The following ZFAT variants were observed in gnomAD, a reference collection of about 807,000 sequenced individuals.
ZFAT encodes zinc finger and AT-hook domain containing, also known as zinc finger protein ZFAT.
A neutral mutation model predicts 117.7 loss-of-function variants in ZFAT; 64 were observed. The ratio of observed to expected loss-of-function variants is 0.54; its 90% confidence interval spans 0.44 to 0.67. ZFAT has a LOEUF of 0.67. Ranked by LOEUF, ZFAT falls within the 30% of genes least tolerant of loss-of-function variation. The pLI, the probability that ZFAT is intolerant of heterozygous loss-of-function variation, is 0.00. For synonymous variants in ZFAT, 679 were observed against 615.0 expected (o/e 1.10, Z -1.54); for missense variants, 1,433 against 1,584.5 (o/e 0.90, Z 1.62).
chr8:134,690,058 T>C (rs1457678018), intron 1 of ZFAT, among the ~76,000 whole-genome samples: 1 of 152,256 alleles, frequency 6.6e-6, no homozygotes, highest in Non-Finnish European at 1.5e-5. Flanking sequence ...GTGTACTAAG[T>C]CTTCAACAGC....
chr8:134,814,415 A>G, the ZFAT span, among the ~76,000 whole-genome samples: 1 of 152,192 alleles, frequency 6.6e-6, no homozygotes, highest in Non-Finnish European at 1.5e-5. Flanking sequence ...GTCTCTAACC[A>G]GGTTTCTATT....
chr8:134,786,806 C>T, the ZFAT span, among the ~76,000 whole-genome samples: 30 of 151,004 alleles, frequency 2.0e-4, no homozygotes, highest in African/African-American at 6.8e-4. Context: ...TAATTTTATC[C>T]GTTTTCATGC....
intron 4 of ZFAT, 126 bp from the exon 5 acceptor site, chr8:134,609,005 T>G: frequency 1.7e-6 from 2 of 1,158,348 alleles, no homozygotes; most frequent in Non-Finnish European, 2.3e-6. Flanking sequence ...GCAAGATAGT[T>G]TTCACTCAGC....
Position 134,602,363 on chromosome 8 carries a change from C to G in ZFAT, c.1356G>C (p.Arg452Ser). The G allele has an allele frequency of 6.2e-7, 1 of 1,613,870 alleles. No homozygotes were observed. Among genetic ancestry groups the G allele is most frequent in the Non-Finnish European group, 8.5e-7 (1 of 1,180,060 alleles). The change falls in exon 6 of 16, where the codon AGG becomes AGC. Residue 452 changes from arginine to serine, a missense_variant. This residue lies in a region of ZFAT where 73 missense variants were observed against 122.0 expected (regional missense o/e 0.60). Coordinates refer to ENST00000377838, the MANE Select transcript of ZFAT (RefSeq NM_020863.4). ...CACAGACGTACACGAAGGGGTGCTTCCTGACATGCAGTTCCAGCGCCTGGT... is the reference window on the plus strand; with the variant it reads ...CACAGACGTACACGAAGGGGTGCTTGCTGACATGCAGTTCCAGCGCCTGGT... The part of the protein sequence containing the change: ...TKYQALELHV[R>S]KHPFVYVCAV...
the ZFAT span, among the ~76,000 whole-genome samples, chr8:134,770,301 C>A: frequency 1.3e-5 from 2 of 152,192 alleles, no homozygotes; most frequent in Non-Finnish European, 2.9e-5. Context: ...GAGGGACCGG[C>A]TGAAGCCATG....
chr8:134,742,855 A>G, the ZFAT span, among the ~76,000 whole-genome samples: 1 of 152,004 alleles, frequency 6.6e-6, no homozygotes, highest in Non-Finnish European at 1.5e-5. Context: ...GCAGTTAAGG[A>G]GCTGAGCTCC....
At chr8:134,664,558 A>C (rs958355657) in intron 1 of ZFAT, among the ~76,000 whole-genome samples, 1 of 152,268 alleles carries the variant, frequency 6.6e-6, no homozygotes, top group Non-Finnish European at 1.5e-5. Flanking sequence ...AGTGCCTCCC[A>C]GGCCTCCCAC....
At chr8:134,561,792 T>C (rs947196834) in intron 11 of ZFAT, among the ~76,000 whole-genome samples, 5 of 152,210 alleles carry the variant, frequency 3.3e-5, no homozygotes, top group Admixed American at 3.3e-4. Flanking sequence ...TTCTTAGTAA[T>C]GTTTGCCATT....
chr8:134,692,756 G>A (rs1563768258), intron 1 of ZFAT, among the ~76,000 whole-genome samples: 1 of 152,198 alleles, frequency 6.6e-6, no homozygotes, highest in Non-Finnish European at 1.5e-5. Flanking sequence ...AGATGCCTCG[G>A]GCTAAAGAGA....
At chr8:134,638,411 A>AG (rs1427869296) in intron 2 of ZFAT, among the ~76,000 whole-genome samples, 1 of 152,032 alleles carries the variant, frequency 6.6e-6, no homozygotes, top group Non-Finnish European at 1.5e-5. Flanking sequence ...GGGAATTAAG[A>AG]GGGGTGAGCG....
Position 134,602,402 on chromosome 8 carries a change from A to G in ZFAT, c.1317T>C (p.His439=). 4 of 1,613,880 alleles carry G rather than the reference A, an allele frequency of 2.5e-6. No individual in the cohort carries two copies. The highest frequency in any genetic ancestry group is 2.5e-6 in the Non-Finnish European group (3 of 1,180,042). ...KWPFACELCG[H]GATKYQALEL... ...CCAGCGCCTGGTACTTGGTGGCCCC[A>G]TGGCCACAGAGCTCACAGGCAAAAG... is the stretch of plus-strand genomic sequence containing the variant. Residue 439 remains histidine, a synonymous_variant, in exon 6 of 16, where the codon CAT becomes CAC. Transcript: ENST00000377838.
the ZFAT span, chr8:134,784,137 C>T: frequency 6.6e-6 from 1 of 152,186 alleles, no homozygotes; most frequent in South Asian, 2.1e-4. Flanking sequence ...AAGTTGAGGG[C>T]TAGACCTTTC....
intron 11 of ZFAT, among the ~76,000 whole-genome samples, chr8:134,552,456 A>G (rs1350780933): frequency 6.6e-6 from 1 of 152,252 alleles, no homozygotes; most frequent in Non-Finnish European, 1.5e-5. Context: ...GCCTCTCACT[A>G]GTTTTATGAA....
At chr8:134,543,658 T>C (rs1822453636) in intron 11 of ZFAT, among the ~76,000 whole-genome samples, 1 of 152,230 alleles carries the variant, frequency 6.6e-6, no homozygotes, top group Non-Finnish European at 1.5e-5. Flanking sequence ...AGAAAGAATC[T>C]ATTGATTCTA....
rs571542378 is a variant in ZFAT at position 134,622,327 on chromosome 8, T to C, written c.449-11672A>G. The stretch of plus-strand genomic sequence containing the variant: ...ACCCTAGCACATTAGCATACTTCTT[T>C]ATATTTCATTTCCTTTGGAAAAGAC... On this transcript the variant is annotated intron_variant, in intron 3 of 15. Transcript: ENST00000377838. Among the ~76,000 whole-genome samples, 72 of 152,332 alleles carry C rather than the reference T, an allele frequency of 4.7e-4. No homozygotes were observed. The South Asian group carries it at 0.015, about 31-fold the overall frequency.
intron 7 of ZFAT, among the ~76,000 whole-genome samples, chr8:134,597,390 C>A (rs1461264988): frequency 6.6e-6 from 1 of 152,168 alleles, no homozygotes; most frequent in African/African-American, 2.4e-5. Context: ...GGAGTAAATA[C>A]AAATAGCTTC....
At chr8:134,479,470 C>T (rs906265439) in intron 15 of ZFAT, among the ~76,000 whole-genome samples, 1 of 152,230 alleles carries the variant, frequency 6.6e-6, no homozygotes, top group Non-Finnish European at 1.5e-5. Context: ...TAATATCCCA[C>T]ATCCCTCATG....
At chr8:134,818,198 G>C in the ZFAT span, among the ~76,000 whole-genome samples, 4 of 152,150 alleles carry the variant, frequency 2.6e-5, no homozygotes, top group Non-Finnish European at 4.4e-5. Flanking sequence ...AGAATGAAGA[G>C]ACAAACCATA....
intron 1 of ZFAT, among the ~76,000 whole-genome samples, chr8:134,711,694 T>G (rs1036154097): frequency 6.6e-6 from 1 of 152,172 alleles, no homozygotes; most frequent in Non-Finnish European, 1.5e-5. Flanking sequence ...AATATTCGGC[T>G]CTGGGCCCAC....
Sources: allele counts gnomAD v4.1 joint callset (sites outside exome capture counted in the v4.1 genomes callset), GRCh38; gene constraint gnomAD v4.1.1; regional missense constraint gnomAD v4.1.1; transcripts MANE v1.5; gene names NCBI Gene and HGNC (gene_info 2026-07-23, HGNC 2026-07-21).